SP140: variants seen among roughly 807,000 people sequenced by gnomAD.
SP140 encodes the protein SP140 nuclear body protein, also known as nuclear body protein SP140.
SP140 carries 81 observed loss-of-function variants against 125.0 expected under a neutral mutation model. That is an observed-to-expected ratio of 0.65 (90% CI 0.54 to 0.78). The LOEUF (loss-of-function observed/expected upper bound fraction) is 0.78. SP140 is among the 30% of genes least tolerant of loss of function. The pLI, the probability that SP140 is intolerant of heterozygous loss-of-function variation, is 0.00. For synonymous variants in SP140, 312 were observed against 354.0 expected, an observed-to-expected ratio of 0.88 and a Z score of 1.33; for missense variants, 858 against 1,037.0, an observed-to-expected ratio of 0.83 and a Z score of 2.37.
At chr2:230,272,833 AG>A (rs750899894) in intron 15 of SP140, among the ~76,000 whole-genome samples, 37 of 152,240 alleles carry the variant, frequency 2.4e-4, no homozygotes, top group Non-Finnish European at 4.7e-4. Context: ...GACAAAAACA[AG>A]CAATGGGAAA....
At chr2:230,212,520 A>C in intron 1 of SP140, 1 of 1,147,982 alleles carries the variant, frequency 8.7e-7, no homozygotes. Context: ...CAGATAGAGC[A>C]TCAAGGCACA....
intron 19 of SP140, 141 bp from the exon 20 acceptor site, chr2:230,292,505 T>C: frequency 9.0e-7 from 1 of 1,115,120 alleles, no homozygotes; most frequent in Non-Finnish European, 1.3e-6. Context: ...GGGGCCTCTG[T>C]AGTCTGAGAG....
chr2:230,250,710 CAGAA>C (rs1559257152), intron 9 of SP140, among the ~76,000 whole-genome samples: 30 of 152,058 alleles, frequency 2.0e-4, no homozygotes, highest in African/African-American at 6.5e-4. Flanking sequence ...AGGGCAAAGG[CAGAA>C]GAAATGTGCC....
chr2:230,287,817 A>T (rs1346144014), intron 17 of SP140, 75 bp from the exon 18 acceptor site: 1 of 1,283,584 alleles, frequency 7.8e-7, no homozygotes. Context: ...ATTTAAATGG[A>T]ATTTTTGAAA....
chr2:230,251,855 G>T (rs1254977164), intron 10 of SP140, among the ~76,000 whole-genome samples: 2 of 152,096 alleles, frequency 1.3e-5, no homozygotes, highest in African/African-American at 2.4e-5. Context: ...TTGTTGTTTT[G>T]AGGAGCCAGA....
chr2:230,280,014 G>T (rs557458232), intron 15 of SP140, among the ~76,000 whole-genome samples: 1 of 151,810 alleles, frequency 6.6e-6, no homozygotes, highest in African/African-American at 2.4e-5. Context: ...TGAACTATTT[G>T]TTAGGCTCTG....
At position 230,241,393 on chromosome 2, in the gene SP140, G is replaced by T. The variant is rs545379894; in HGVS notation, c.407-11G>T. On this transcript the variant is annotated splice_polypyrimidine_tract_variant and intron_variant, in intron 3 of 26. Transcript: ENST00000392045. ...GTCTGAGTTTGGTAATTTTCACATT[G>T]TTTTCCTCAGTATGCTATGAACACT... 1 of 1,548,064 alleles carries T rather than the reference G, an allele frequency of 6.5e-7. No individual in the cohort carries two copies. The highest frequency in any genetic ancestry group is 1.7e-5 in the Admixed American group (1 of 59,842).
Position 230,265,246 on chromosome 2 carries a change from G to A in SP140, c.1241-4286G>A, listed in dbSNP as rs556822076. 2.6e-5 allele frequency among the ~76,000 whole-genome samples: 4 copies of A among 152,126 alleles called. 1 individual carries two copies. In the South Asian group the frequency reaches 8.3e-4, roughly 32 times the overall value. ...GTCATGCAGGTTGTCAGGGAAATGG[G>A]GGAAAGCTGGCAGTCACAGGTCTCA... On this transcript the variant is annotated intron_variant, in intron 12 of 26. Transcript: ENST00000392045.
chr2:230,212,507 G>A (rs2044605352), intron 1 of SP140: 1 of 1,236,930 alleles, frequency 8.1e-7, no homozygotes, highest in East Asian at 2.3e-5. Flanking sequence ...AAAGTGCCTG[G>A]GGCAGATAGA....
At chr2:230,213,077 C>G in intron 1 of SP140, 2 of 1,594,426 alleles carry the variant, frequency 1.3e-6, no homozygotes, top group South Asian at 2.2e-5. Context: ...CTCAGAATTA[C>G]TTGGGGAAGG....
At chr2:230,256,014 A>G (rs2051132967) in intron 12 of SP140, among the ~76,000 whole-genome samples, 1 of 152,180 alleles carries the variant, frequency 6.6e-6, no homozygotes. Flanking sequence ...CTAGCTATCA[A>G]TACTATTATT....
At chr2:230,220,741 T>G (rs2045742674), upstream of SP140, among the ~76,000 whole-genome samples, 1 of 152,162 alleles carries the variant, frequency 6.6e-6, no homozygotes, top group Admixed American at 6.5e-5. Context: ...CAGTGGCTCA[T>G]GCCTATAATC....
rs552292737 is a variant in SP140 at position 230,308,825 on chromosome 2, C to T, written c.2059-1099C>T. ...ACTTGTAGATAGACCATTCTAGGCC[C>T]TCCCAGTGTTACCAGATGTCCAGGC... On this transcript the variant is annotated intron_variant, in intron 22 of 26. Transcript: ENST00000392045. Among the ~76,000 whole-genome samples the T allele has an allele frequency of 4.4e-4, 67 of 152,338 alleles. 2 individuals are homozygous for T. The South Asian group carries it at 6.0e-3, about 14-fold the overall frequency.
intron 8 of SP140, 90 bp from the exon 9 acceptor site, chr2:230,248,795 C>A: frequency 2.0e-6 from 2 of 1,004,460 alleles, no homozygotes; most frequent in East Asian, 2.4e-5. Flanking sequence ...GGGTGGCTCT[C>A]AGCATTTGCC....
chr2:230,197,542 G>A, the SP140 span, among the ~76,000 whole-genome samples: 4 of 147,934 alleles, frequency 2.7e-5, no homozygotes, highest in African/African-American at 1.0e-4. Context: ...AAGCTCTTTA[G>A]TTTAATTAGA....
chr2:230,247,207 A>C (rs537493829), intron 7 of SP140, among the ~76,000 whole-genome samples: 165 of 152,334 alleles, frequency 1.1e-3, no homozygotes, highest in East Asian at 3.7e-3. Flanking sequence ...GAATACGTTC[A>C]TGAAGATATC....
At position 230,312,147 on chromosome 2, in the gene SP140, G is replaced by A. The variant is rs184936816; in HGVS notation, c.2506-439G>A. ...CAAAGGCAAAGAAGTAATAATCCCA[G>A]CTGTGGAAATGATTTCACTTTTCTG... On this transcript the variant is annotated intron_variant, in intron 26 of 26. Coordinates refer to ENST00000392045, the MANE Select transcript of SP140 (RefSeq NM_007237.5). Among the ~76,000 whole-genome samples, 74 of 152,328 alleles carry A rather than the reference G, an allele frequency of 4.9e-4. 1 individual carries two copies. In the East Asian group the frequency reaches 0.013, roughly 27 times the overall value.
chr2:230,290,430 G>A, intron 18 of SP140, 30 bp from the exon 19 acceptor site: 4 of 1,605,690 alleles, frequency 2.5e-6, no homozygotes, highest in Non-Finnish European at 3.4e-6. Context: ...TTTGCAAAGT[G>A]AGACAGAATG....
intron 22 of SP140, among the ~76,000 whole-genome samples, chr2:230,304,492 G>A (rs1034478070): frequency 1.3e-5 from 2 of 152,164 alleles, no homozygotes; most frequent in African/African-American, 2.4e-5. Context: ...CACATTACCT[G>A]ACTTCAAACT....
Sources: gnomAD v4.1 joint callset for allele counts (sites outside exome capture counted in the v4.1 genomes callset) on GRCh38, gnomAD v4.1.1 for gene constraint, MANE v1.5 for transcripts, NCBI Gene and HGNC (gene_info 2026-07-23, HGNC 2026-07-21) for gene names.